The following R3HDM1 variants were observed in gnomAD, a reference collection of about 807,000 sequenced individuals.
R3HDM1 encodes the protein R3H domain containing 1.
Under a neutral mutation model 141.1 loss-of-function variants are expected in R3HDM1, and 46 were observed. The ratio of observed to expected loss-of-function variants is 0.33; its 90% CI spans 0.26 to 0.42. The LOEUF (loss-of-function observed/expected upper bound fraction) is 0.42, where lower values mean the gene tolerates loss of function less well. Among genes scored for constraint, R3HDM1 ranks in the 10% least tolerant of loss-of-function variants. The pLI is 1.00. For missense variants in R3HDM1, 1,184 were observed against 1,368.3 expected, an observed-to-expected ratio of 0.87 and a Z score of 2.12; for synonymous variants, 435 against 472.9, an observed-to-expected ratio of 0.92 and a Z score of 1.04.
rs573346583 is a variant in R3HDM1, at chr2:135,591,280, A to G, written c.-249-11220A>G. ...TTTTCATTGTGACCCTATAATAAAA[A>G]TGAAATGTTGGTCATGGGTAAAAAG... On this transcript the variant is annotated intron_variant, in intron 1 of 26. Coordinates refer to ENST00000683871, the MANE Select transcript of R3HDM1 (RefSeq NM_001378107.1). Among the ~76,000 whole-genome samples, 29 of 152,354 alleles carry G rather than the reference A, an allele frequency of 1.9e-4. No individual in the cohort carries two copies. In the South Asian group the frequency reaches 6.0e-3, roughly 32 times the overall value.
intron 23 of R3HDM1, among the ~76,000 whole-genome samples, chr2:135,711,630 C>T (rs1471453622): frequency 6.7e-6 from 1 of 148,826 alleles, no homozygotes; most frequent in Non-Finnish European, 1.5e-5. Context: ...ACTGCGCTGC[C>T]CCCTAGCAAC....
At chr2:135,712,115 A>G (rs2075714680) in intron 23 of R3HDM1, among the ~76,000 whole-genome samples, 1 of 152,188 alleles carries the variant, frequency 6.6e-6, no homozygotes, top group Admixed American at 6.5e-5. Context: ...TGATGGGTAC[A>G]TGGAATTTCA....
At chr2:135,565,798 C>G (rs1307057563) in intron 1 of R3HDM1, 1 of 152,502 alleles carries the variant, frequency 6.6e-6, no homozygotes, top group Admixed American at 6.6e-5. Context: ...TTGGGGTGAT[C>G]AGACCCAACA....
chr2:135,659,049 C>G (rs960480015), intron 18 of R3HDM1, among the ~76,000 whole-genome samples: 3 of 126,398 alleles, frequency 2.4e-5, no homozygotes, highest in South Asian at 2.9e-4. Context: ...CTACCTGAGT[C>G]TGTGTGTGTG....
At position 135,685,959 on chromosome 2, in the gene R3HDM1, A is replaced by G. The variant is rs548498192; in HGVS notation, c.2459+5635A>G. On this transcript the variant is annotated intron_variant, in intron 21 of 26. Coordinates refer to ENST00000683871, the MANE Select transcript of R3HDM1 (RefSeq NM_001378107.1). ...CAAATTTGCCAGCTGTATATCTGAT[A>G]TCCAAAATATTAAGGAAATCCTGTA... Among the ~76,000 whole-genome samples, 6 of 152,310 alleles carry G rather than the reference A, an allele frequency of 3.9e-5. No individual in the cohort carries two copies. In the South Asian group the frequency reaches 1.2e-3, roughly 32 times the overall value.
At chr2:135,597,290 A>G in intron 1 of R3HDM1, 1 of 972,592 alleles carries the variant, frequency 1.0e-6, no homozygotes, top group East Asian at 1.1e-4. Flanking sequence ...CTCTTTTTAA[A>G]TGTAACTGAT....
In R3HDM1 at chr2:135,660,124, A is replaced by G. The variant is rs138318319; in HGVS notation, c.2029-1146A>G. Among the ~76,000 whole-genome samples the G allele has an allele frequency of 1.1e-4, 16 of 152,360 alleles. No homozygotes were observed. The East Asian group carries it at 2.9e-3, about 28-fold the overall frequency. On this transcript the variant is annotated intron_variant, in intron 18 of 26. Transcript: ENST00000683871. ...CAGTTAAATTGAATGAGCTAGCTGT[A>G]TATGTTTCAATAAAGAAAGATGTCT... is the stretch of plus-strand genomic sequence containing the variant.
intron 1 of R3HDM1, chr2:135,586,711 T>G (rs1170783372): frequency 1.0e-6 from 1 of 985,248 alleles, no homozygotes; most frequent in Admixed American, 6.2e-5. Flanking sequence ...GTAGAGTCAT[T>G]TACTTCTCAG....
chr2:135,634,578 A>G (rs2063071629), intron 9 of R3HDM1, among the ~76,000 whole-genome samples: 1 of 152,190 alleles, frequency 6.6e-6, no homozygotes. Context: ...CAGGTGGCAG[A>G]GGTTGCAGTG....
intron 21 of R3HDM1, among the ~76,000 whole-genome samples, chr2:135,688,900 C>T (rs1180102789): frequency 5.3e-5 from 8 of 152,114 alleles, no homozygotes; most frequent in South Asian, 4.1e-4. Context: ...GGCACCACTG[C>T]GCTCCATCCT....
intron 1 of R3HDM1, among the ~76,000 whole-genome samples, chr2:135,578,943 A>G (rs1355645239): frequency 1.3e-5 from 2 of 152,174 alleles, no homozygotes; most frequent in Non-Finnish European, 2.9e-5. Context: ...TTTAATATAT[A>G]TGTATATATG....
intron 5 of R3HDM1, among the ~76,000 whole-genome samples, chr2:135,618,858 A>G (rs890227035): frequency 6.6e-6 from 1 of 151,912 alleles, no homozygotes; most frequent in African/African-American, 2.4e-5. Context: ...CATCTCTACT[A>G]AAAATACAAA....
chr2:135,647,779 A>T (rs1048233672), intron 16 of R3HDM1, among the ~76,000 whole-genome samples: 2 of 152,196 alleles, frequency 1.3e-5, no homozygotes, highest in African/African-American at 4.8e-5. Context: ...CTTAGACCTA[A>T]CGTAAAACCA....
chr2:135,702,895 C>G lies in R3HDM1; in HGVS notation c.2460-6538C>G, dbSNP rs114335949. Among the ~76,000 whole-genome samples the G allele has an allele frequency of 3.8e-3, 582 of 152,240 alleles. 4 individuals carry two copies. Among genetic ancestry groups the G allele is most frequent in the African/African-American group, 0.013 (554 of 41,538 alleles). On this transcript the variant is annotated intron_variant, in intron 21 of 26. Coordinates refer to ENST00000683871, the MANE Select transcript of R3HDM1 (RefSeq NM_001378107.1). ...GCAAAAGAGAGCAGCATAGAATCAA[C>G]TATACTAAAACTGAAATTATTGTTT...
intron 6 of R3HDM1, chr2:135,622,313 A>T (rs2061587213): frequency 1.0e-6 from 1 of 984,808 alleles, no homozygotes. Context: ...TAAATCATTT[A>T]AATTTTTCAC....
At position 135,680,308 on chromosome 2, in the gene R3HDM1, C is replaced by G. The variant is rs1559418740; in HGVS notation, c.2443C>G (p.Gln815Glu). 6.2e-7 allele frequency: 1 copy of G among 1,613,956 alleles called. No homozygotes were observed. Among genetic ancestry groups the G allele is most frequent in the Non-Finnish European group, 8.5e-7 (1 of 1,179,944 alleles). ...PVYYSVIPPGQQNNLSSSVGY... is the reference protein window; with the variant it reads ...PVYYSVIPPGEQNNLSSSVGY... ...TTACTATAGTGTCATTCCACCTGGT[C>G]AACAAAACAATTTAAGGTGAGTATG... Residue 815 changes from glutamine (Q) to glutamate (E), a missense_variant, in exon 21 of 27, where the codon CAA becomes GAA. Gln to Glu is a conservative substitution (Grantham distance 29). This residue lies in a region of R3HDM1 where 563 missense variants were observed against 562.0 expected (regional missense o/e 1.00). Transcript: ENST00000683871.
chr2:135,675,199 A>G (rs2068974410), intron 19 of R3HDM1, 133 bp from the exon 20 acceptor site: 1 of 840,778 alleles, frequency 1.2e-6, no homozygotes, highest in Non-Finnish European at 1.8e-6. Context: ...TTCATAATAG[A>G]TGGTTTTAGG....
intron 5 of R3HDM1, among the ~76,000 whole-genome samples, chr2:135,617,456 A>G (rs2061147001): frequency 6.6e-6 from 1 of 152,118 alleles, no homozygotes; most frequent in Non-Finnish European, 1.5e-5. Flanking sequence ...AGACCAGCCA[A>G]GACTTCTTCT....
rs1390483060 is a variant in R3HDM1 at position 135,649,966 on chromosome 2, C to T, written c.1688C>T (p.Pro563Leu). The T allele has an allele frequency of 6.2e-6, 8 of 1,294,962 alleles. No homozygotes were observed. The highest frequency in any genetic ancestry group is 4.7e-5 in the Admixed American group (2 of 42,836). The allele number at this position is 1,294,962 out of a possible 1,614,324, so 80.2% of individuals were successfully genotyped here. ...TACTCTACAGCCCCTTACCCATCCC[C>T]GTTCCTGCCAGTCTCACCCACCCAG... ...VQYSTAPYPS[P>L]FLPVSPTQQY... Residue 563 changes from proline to leucine, a missense_variant, in exon 17 of 27, where the codon CCG (proline) becomes CTG (leucine). Physicochemically the swap from Pro to Leu is moderately conservative, Grantham distance 98. Coordinates refer to ENST00000683871, the MANE Select transcript of R3HDM1 (RefSeq NM_001378107.1).
Sources: gnomAD v4.1 joint callset for allele counts (sites outside exome capture counted in the v4.1 genomes callset) on GRCh38, gnomAD v4.1.1 for gene constraint, gnomAD v4.1.1 regional missense constraint, MANE v1.5 for transcripts, NCBI Gene and HGNC (gene_info 2026-07-23, HGNC 2026-07-21) for gene names.